Variants in SCARA5 observed in about 807,000 individuals in gnomAD.
SCARA5 encodes the protein scavenger receptor class A, member 5 (putative).
A neutral mutation model predicts 46.3 loss-of-function variants in SCARA5; 45 were observed. That is an observed-to-expected ratio of 0.97 (90% confidence interval 0.76 to 1.24). The LOEUF (loss-of-function observed/expected upper bound fraction) is 1.24, where lower values mean the gene tolerates loss of function less well. Ranked by LOEUF, SCARA5 falls within the 50% of genes most tolerant of loss-of-function variation. SCARA5 has a pLI of 0.00. For synonymous variants in SCARA5, 333 were observed against 306.5 expected (o/e 1.09, Z -0.90); for missense variants, 680 against 689.0 (o/e 0.99, Z 0.15).
chr8:27,872,114 G>C (rs1298038986), intron 8 of SCARA5, 44 bp from the exon 9 acceptor site: 2 of 1,606,712 alleles, frequency 1.2e-6, no homozygotes, highest in East Asian at 2.2e-5. Context: ...TACACAGGAG[G>C]GCGAGAAGGA....
At position 27,927,505 on chromosome 8, in the gene SCARA5, CTAA is replaced by C. The variant is rs563164167; in HGVS notation, c.242-5263_242-5261del. Among the ~76,000 whole-genome samples, 139 of 152,210 alleles carry C rather than the reference CTAA, an allele frequency of 9.1e-4. 1 individual carries two copies. Among genetic ancestry groups the C allele is most frequent in the African/African-American group, 3.2e-3 (135 of 41,544 alleles). On this transcript the variant is annotated intron_variant, in intron 3 of 8. Transcript: ENST00000354914. ...ATTTGATTTCTGGGTTTTTTCCCAC[CTAA>C]TATTATTATTATATTGTAATCATTT...
intron 3 of SCARA5, among the ~76,000 whole-genome samples, chr8:27,930,422 G>A (rs909400963): frequency 6.7e-6 from 1 of 149,884 alleles, no homozygotes; most frequent in Non-Finnish European, 1.5e-5. Context: ...TTTTTTTTGA[G>A]ACGGAGTTTC....
At chr8:27,970,763 A>C (rs2726930) in intron 2 of SCARA5, among the ~76,000 whole-genome samples, 82,836 of 152,066 alleles carry the variant, frequency 0.54, 22,745 homozygotes, top group South Asian at 0.66. Flanking sequence ...CCTGCATCAC[A>C]ACCTCTTGAG....
chr8:27,915,089 C>T (rs1444722021), intron 4 of SCARA5, among the ~76,000 whole-genome samples: 1 of 152,210 alleles, frequency 6.6e-6, no homozygotes, highest in East Asian at 1.9e-4. Flanking sequence ...GGCCGGCTGA[C>T]AGGGTAGAGT....
At chr8:27,958,412 C>A (rs1460823759) in intron 3 of SCARA5, among the ~76,000 whole-genome samples, 1 of 152,166 alleles carries the variant, frequency 6.6e-6, no homozygotes, top group African/African-American at 2.4e-5. Flanking sequence ...CAGTGACCTG[C>A]CCAGGTGTGT....
At chr8:27,957,408 A>C (rs1454642866) in intron 3 of SCARA5, among the ~76,000 whole-genome samples, 2 of 152,250 alleles carry the variant, frequency 1.3e-5, no homozygotes, top group Admixed American at 6.5e-5. Context: ...AATTAATTTC[A>C]TCCTCACCAC....
chr8:27,917,231 T>C (rs964161663), intron 4 of SCARA5, among the ~76,000 whole-genome samples: 4 of 152,212 alleles, frequency 2.6e-5, no homozygotes, highest in Non-Finnish European at 5.9e-5. Context: ...AGGACTAAGA[T>C]GAAACTTTCA....
In SCARA5 at chr8:27,884,258, G is replaced by A. The variant is rs567015081; in HGVS notation, c.1154-4492C>T. On this transcript the variant is annotated intron_variant, in intron 7 of 8. Coordinates refer to ENST00000354914, the MANE Select transcript of SCARA5 (RefSeq NM_173833.6). ...ACTCATTCAGGCTGTCCCCAAACAG[G>A]CTGAGGCTATGCAAGACAACAGAGA... 1.2e-4 allele frequency among the ~76,000 whole-genome samples: 18 copies of A among 152,310 alleles called. No individual in the cohort carries two copies. In the South Asian group the frequency reaches 3.7e-3, roughly 32 times the overall value.
chr8:27,968,923 C>A (rs1042280831), intron 2 of SCARA5, among the ~76,000 whole-genome samples: 1 of 152,212 alleles, frequency 6.6e-6, no homozygotes, highest in Non-Finnish European at 1.5e-5. Context: ...CCTTAGTCAA[C>A]CAACACGCAG....
intron 3 of SCARA5, among the ~76,000 whole-genome samples, chr8:27,925,214 A>G (rs866347371): frequency 6.6e-6 from 1 of 152,216 alleles, no homozygotes; most frequent in Non-Finnish European, 1.5e-5. Context: ...AGCTGGAGGC[A>G]TCATGCTACC....
intron 2 of SCARA5, among the ~76,000 whole-genome samples, chr8:27,968,657 G>C (rs1014321718): frequency 6.6e-6 from 1 of 152,130 alleles, no homozygotes; most frequent in Non-Finnish European, 1.5e-5. Context: ...TCATTCTCAT[G>C]GTGGTAGTTT....
At chr8:27,971,400 T>A (rs1808445905) in intron 2 of SCARA5, among the ~76,000 whole-genome samples, 1 of 152,228 alleles carries the variant, frequency 6.6e-6, no homozygotes, top group Non-Finnish European at 1.5e-5. Context: ...GAGTCCAATG[T>A]ACAGGACTTA....
chr8:27,966,592 C>T, intron 2 of SCARA5, 50 bp from the exon 3 acceptor site: 1 of 1,545,164 alleles, frequency 6.5e-7, no homozygotes, highest in African/African-American at 1.4e-5. Flanking sequence ...TTAAAAACCC[C>T]ATAAGCTCTT....
intron 4 of SCARA5, among the ~76,000 whole-genome samples, chr8:27,919,221 AAGG>A (rs554411330): frequency 5.7e-5 from 6 of 104,732 alleles, no homozygotes; most frequent in African/African-American, 1.4e-4. Flanking sequence ...GAAAGAAGAG[AAGG>A]AGGAGGAGGA....
intron 3 of SCARA5, among the ~76,000 whole-genome samples, chr8:27,943,013 C>T (rs1361892300): frequency 1.3e-5 from 2 of 152,168 alleles, no homozygotes; most frequent in Admixed American, 6.5e-5. Context: ...TCAAGGTGAC[C>T]TGCACCCTCT....
intron 7 of SCARA5, among the ~76,000 whole-genome samples, chr8:27,896,382 C>T (rs17058150): frequency 0.1 from 15,263 of 152,078 alleles, 1,405 homozygotes; most frequent in African/African-American, 0.23. Context: ...GGTCTGAGTC[C>T]CCTTTCCGTG....
At chr8:27,885,379 G>C (rs963246874) in intron 7 of SCARA5, among the ~76,000 whole-genome samples, 6 of 152,040 alleles carry the variant, frequency 3.9e-5, no homozygotes, top group African/African-American at 1.5e-4. Context: ...CACCCAACAG[G>C]GCCCCTTCTA....
chr8:27,947,014 C>CTTT (rs1358571998), intron 3 of SCARA5, among the ~76,000 whole-genome samples: 2 of 138,392 alleles, frequency 1.4e-5, no homozygotes, highest in Admixed American at 7.2e-5. Context: ...TCCTGTTGGG[C>CTTT]TTTTTTTTTT....
At chr8:27,926,250 T>C (rs1033317596) in intron 3 of SCARA5, among the ~76,000 whole-genome samples, 2 of 152,164 alleles carry the variant, frequency 1.3e-5, no homozygotes, top group African/African-American at 2.4e-5. Context: ...ATATACACCA[T>C]GGAATACTAT....
Sources: gnomAD v4.1 joint callset for allele counts (sites outside exome capture counted in the v4.1 genomes callset) on GRCh38, gnomAD v4.1.1 for gene constraint, MANE v1.5 for transcripts, NCBI Gene and HGNC (gene_info 2026-07-23, HGNC 2026-07-21) for gene names.